Variants in LRBA observed in about 807,000 individuals in gnomAD.
LRBA encodes the protein LPS responsive beige-like anchor protein, also known as lipopolysaccharide-responsive and beige-like anchor protein.
In LRBA, 176 loss-of-function variants were observed where a neutral mutation model predicts 330.0. The ratio of observed to expected loss-of-function variants is 0.53; its 90% confidence interval spans 0.47 to 0.60. LRBA has a LOEUF of 0.60. Among genes scored for constraint, LRBA ranks in the 20% least tolerant of loss-of-function variants. The pLI is 0.00. For missense variants in LRBA, 3,259 were observed against 3,444.8 expected (o/e 0.95, Z 1.35); for synonymous variants, 1,230 against 1,193.0 (o/e 1.03, Z -0.64).
intron 25 of LRBA, 128 bp from the exon 26 acceptor site, chr4:150,849,126 T>G (rs1415210047): frequency 1.6e-6 from 1 of 637,998 alleles, no homozygotes; most frequent in African/African-American, 1.9e-5. Flanking sequence ...ACAGAGTGAT[T>G]TATACTTATT....
intron 2 of LRBA, among the ~76,000 whole-genome samples, chr4:150,935,255 T>C (rs1050764861): frequency 2.0e-5 from 3 of 151,706 alleles, no homozygotes; most frequent in African/African-American, 7.3e-5. Context: ...CATGAAAATA[T>C]ATAATATAGG....
chr4:150,383,260 CTTTTT>C (rs928564475), intron 47 of LRBA, among the ~76,000 whole-genome samples: 31 of 152,056 alleles, frequency 2.0e-4, no homozygotes, highest in African/African-American at 6.8e-4. Flanking sequence ...CTTTTCTTTT[CTTTTT>C]TGAGACAGTC....
At chr4:150,998,181 G>A (rs545867864) in intron 2 of LRBA, among the ~76,000 whole-genome samples, 8 of 151,506 alleles carry the variant, frequency 5.3e-5, no homozygotes, top group South Asian at 4.2e-4. Context: ...GAGAAACCCC[G>A]TCTCTACTAA....
chr4:150,639,807 GTGTGTGTGTGTGTATATATA>G (rs1778413375), intron 37 of LRBA, among the ~76,000 whole-genome samples: 255 of 14,854 alleles, frequency 0.017, 63 homozygotes, highest in Admixed American at 0.029. Flanking sequence ...ATATATATAT[GTGTGTGTGTGTGTATATATA>G]TATATATATA....
chr4:150,734,629 G>A (rs966342752), intron 36 of LRBA, among the ~76,000 whole-genome samples: 1 of 152,084 alleles, frequency 6.6e-6, no homozygotes, highest in Non-Finnish European at 1.5e-5. Context: ...GTGAATTTGG[G>A]TCATTTCTAT....
At chr4:150,304,579 T>C (rs1267424612) in intron 52 of LRBA, among the ~76,000 whole-genome samples, 1 of 152,200 alleles carries the variant, frequency 6.6e-6, no homozygotes, top group East Asian at 1.9e-4. Context: ...TGTTCACTTT[T>C]GAATTTCTTC....
rs545264948 is a variant in LRBA at position 150,328,295 on chromosome 4, G to A, written c.7363-2397C>T. Among the ~76,000 whole-genome samples the A allele has an allele frequency of 1.2e-4, 19 of 152,228 alleles. 1 individual carries two copies. The East Asian group carries it at 3.7e-3, about 29-fold the overall frequency. ...CGTGATAGTGATAACCATTTATCTA[G>A]GTCAGTATGTCCAATGTGTAAAAGC... On this transcript the variant is annotated intron_variant, in intron 48 of 56. Coordinates refer to ENST00000651943, the MANE Select transcript of LRBA (RefSeq NM_001364905.1).
In LRBA at chr4:150,435,601, G is replaced by A; in HGVS notation, c.7029C>T (p.Thr2343=). The A allele has an allele frequency of 6.2e-7, 1 of 1,610,502 alleles. No individual in the cohort carries two copies. Among genetic ancestry groups the A allele is most frequent in the East Asian group, 2.2e-5 (1 of 44,754 alleles). ...SRAWRNSQRD[T]SDIKELIPEF... is the part of the protein sequence containing the mutation. ...AACATTTCTGTACCTTAATATCAGA[G>A]GTATCACGCTGACTGTTTCGCCAAG... Residue 2343 remains threonine (T), a synonymous_variant, in exon 46 of 57, where the codon ACC becomes ACT. Transcript: ENST00000651943.
chr4:150,567,863 C>G (rs569533267), intron 40 of LRBA, among the ~76,000 whole-genome samples: 11 of 152,228 alleles, frequency 7.2e-5, no homozygotes, highest in African/African-American at 2.6e-4. Flanking sequence ...GTGGTGCTAC[C>G]AAGTAAATAA....
intron 40 of LRBA, chr4:150,581,400 GAAAGGAGGATGACTTT>G (rs763504418): frequency 2.3e-6 from 1 of 427,512 alleles, no homozygotes; most frequent in African/African-American, 2.1e-5. Flanking sequence ...GAGGGGAAGA[GAAAGGAGGATGACTTT>G]AAAGGAGGAA....
At chr4:150,978,194 G>C (rs1740420066) in intron 2 of LRBA, among the ~76,000 whole-genome samples, 1 of 152,238 alleles carries the variant, frequency 6.6e-6, no homozygotes, top group African/African-American at 2.4e-5. Flanking sequence ...CACAGAGAGA[G>C]AGAGAGCAAC....
At chr4:150,838,670 G>A (rs1748557064) in intron 28 of LRBA, among the ~76,000 whole-genome samples, 1 of 152,076 alleles carries the variant, frequency 6.6e-6, no homozygotes, top group South Asian at 2.1e-4. Flanking sequence ...CTCTACACTG[G>A]TTATTCTAGT....
intron 2 of LRBA, among the ~76,000 whole-genome samples, chr4:150,964,312 G>A (rs1215467253): frequency 2.0e-5 from 3 of 149,680 alleles, no homozygotes; most frequent in South Asian, 2.1e-4. Flanking sequence ...CCGCCACCCC[G>A]TCTGGGAGGT....
At chr4:150,899,457 A>T (rs1730484634) in intron 14 of LRBA, among the ~76,000 whole-genome samples, 1 of 152,076 alleles carries the variant, frequency 6.6e-6, no homozygotes, top group Non-Finnish European at 1.5e-5. Flanking sequence ...TCCCTTTTTG[A>T]TGTAAGCCAG....
rs144372341 is a variant in LRBA, at chr4:150,698,326, G to A, written c.5755-14609C>T. Among the ~76,000 whole-genome samples, 636 of 152,220 alleles carry A rather than the reference G, an allele frequency of 4.2e-3. 3 individuals are homozygous for A. The highest frequency in any genetic ancestry group is 0.015 in the African/African-American group (615 of 41,552). ...TGGTCTATGGTTAAGATAACCAGAA[G>A]ATACCATAAACTGAAAGCTTAAGTA... On this transcript the variant is annotated intron_variant, in intron 36 of 56. Transcript: ENST00000651943.
chr4:150,599,121 C>G lies in LRBA; in HGVS notation c.5932G>C (p.Glu1978Gln), dbSNP rs1278689812. 6.2e-7 allele frequency: 1 copy of G among 1,613,916 alleles called. No individual in the cohort carries two copies. Among genetic ancestry groups the G allele is most frequent in the African/African-American group, 1.3e-5 (1 of 74,932 alleles). Reference sequence around the variant, plus strand: ...TCCCAGTAGTCAAGGCGCCAGAACTCAAGAGGACGACTACAATGAAACAGA... The same window carrying G: ...TCCCAGTAGTCAAGGCGCCAGAACTGAAGAGGACGACTACAATGAAACAGA... ...WGNSAVSRPL[E>Q]FWRLDYWEDD... Residue 1978 changes from glutamate (E) to glutamine (Q), a missense_variant, in exon 38 of 57, where the codon GAG (glutamate) becomes CAG (glutamine). Physicochemically the swap from Glu to Gln is conservative, Grantham distance 29. Coordinates refer to ENST00000651943, the MANE Select transcript of LRBA (RefSeq NM_001364905.1).
At chr4:150,399,251 T>C (rs190574299) in intron 47 of LRBA, among the ~76,000 whole-genome samples, 23 of 152,262 alleles carry the variant, frequency 1.5e-4, no homozygotes, top group African/African-American at 5.1e-4. Context: ...TTTGCACCAA[T>C]AGACTCTTAT....
chr4:150,389,833 A>G (rs1208699669), intron 47 of LRBA, among the ~76,000 whole-genome samples: 1 of 147,034 alleles, frequency 6.8e-6, no homozygotes, highest in Non-Finnish European at 1.5e-5. Context: ...TATGGTACAT[A>G]ATGTCAGTGT....
chr4:150,349,899 C>T lies in LRBA; in HGVS notation c.7362+93G>A, dbSNP rs1042169412. ...TTACATCTAGTTTCACTTTCTTCAT[C>T]ACTAAAATCAAAGGATGGGGGAGGT... On this transcript the variant is annotated intron_variant, in intron 48 of 56. Transcript: ENST00000651943. 4.7e-5 allele frequency: 51 copies of T among 1,079,084 alleles called. No individual in the cohort carries two copies. In the African/African-American group the frequency reaches 6.6e-4, roughly 14 times the overall value. 66.8% of individuals were successfully genotyped at this position (1,079,084 alleles called of 1,614,324 possible). A position where few individuals can be genotyped will look rare whatever the true frequency, so the allele number is the denominator to read the frequency against.
Sources: allele counts gnomAD v4.1 joint callset (sites outside exome capture counted in the v4.1 genomes callset), GRCh38; gene constraint gnomAD v4.1.1; transcripts MANE v1.5; gene names NCBI Gene and HGNC (gene_info 2026-07-23, HGNC 2026-07-21).